Variants in ST7L observed in about 807,000 individuals in gnomAD.
ST7L encodes the protein suppressor of tumorigenicity 7 protein-like.
A neutral mutation model predicts 72.5 loss-of-function variants in ST7L; 57 were observed. The ratio of observed to expected loss-of-function variants is 0.79; its 90% CI spans 0.64 to 0.98. ST7L has a LOEUF of 0.98. ST7L is among the 50% of genes least tolerant of loss of function. The pLI, the probability that ST7L is intolerant of heterozygous loss-of-function variation, is 0.00. For synonymous variants in ST7L, 221 were observed against 240.9 expected (o/e 0.92, Z 0.77); for missense variants, 576 against 672.2 (o/e 0.86, Z 1.58).
intron 11 of ST7L, 98 bp from the exon 12 acceptor site, chr1:112,556,116 G>A: frequency 1.0e-6 from 1 of 966,668 alleles, no homozygotes; most frequent in Non-Finnish European, 1.4e-6. Context: ...GATTCAAAGT[G>A]TTAGAAAGTT....
At chr1:112,574,968 G>T (rs1287596361) in intron 11 of ST7L, among the ~76,000 whole-genome samples, 1 of 152,028 alleles carries the variant, frequency 6.6e-6, no homozygotes, top group Non-Finnish European at 1.5e-5. Context: ...GCTGGGCGCG[G>T]TGGCTTATGC....
chr1:112,584,187 TTA>T, intron 6 of ST7L, 61 bp from the exon 7 acceptor site: 2 of 1,529,072 alleles, frequency 1.3e-6, no homozygotes, highest in Non-Finnish European at 1.8e-6. Context: ...TTTCTCTTGG[TTA>T]TGTCCCTTTG....
intron 14 of ST7L, among the ~76,000 whole-genome samples, chr1:112,533,072 T>G (rs1261050681): frequency 2.0e-5 from 3 of 152,260 alleles, no homozygotes; most frequent in African/African-American, 7.2e-5. Context: ...TATACATTTA[T>G]ACTTCATATT....
chr1:112,543,166 T>C (rs1040124822), intron 13 of ST7L, among the ~76,000 whole-genome samples: 10 of 152,206 alleles, frequency 6.6e-5, no homozygotes, highest in East Asian at 1.9e-4. Context: ...GGCAGACATG[T>C]CATTGGTGAT....
At chr1:112,541,903 T>C (rs1247742479) in intron 14 of ST7L, 48 bp downstream of exon 14, 2 of 1,602,926 alleles carry the variant, frequency 1.2e-6, no homozygotes, top group South Asian at 2.3e-5. Flanking sequence ...AGATGGTTTC[T>C]TGTGTGTTTT....
At chr1:112,599,073 A>AAAATATATATAT (rs1190968815) in intron 4 of ST7L, among the ~76,000 whole-genome samples, 1 of 57,002 alleles carries the variant, frequency 1.8e-5, no homozygotes, top group African/African-American at 6.8e-5. Context: ...AAAAAAAAAA[A>AAAATATATATAT]ATATATATAT....
chr1:112,601,283 T>A (rs1337895773), intron 3 of ST7L, among the ~76,000 whole-genome samples: 3 of 152,144 alleles, frequency 2.0e-5, no homozygotes, highest in Non-Finnish European at 2.9e-5. Flanking sequence ...TCTCGCTCTG[T>A]CACCCAGGCT....
intron 11 of ST7L, among the ~76,000 whole-genome samples, chr1:112,567,975 G>A (rs1661314950): frequency 6.6e-6 from 1 of 152,122 alleles, no homozygotes; most frequent in South Asian, 2.1e-4. Flanking sequence ...TGTGTGAAGT[G>A]TCATACCAAC....
intron 12 of ST7L, 140 bp downstream of exon 12, chr1:112,555,728 T>G: frequency 1.5e-6 from 1 of 688,360 alleles, no homozygotes. Flanking sequence ...AAACCAAATA[T>G]CTCATCACTA....
rs1008513267 is a variant in ST7L, at chr1:112,616,760, A to T, written c.288+53T>A. 7.5e-5 allele frequency: 104 copies of T among 1,379,138 alleles called. No homozygotes were observed. In the East Asian group the frequency reaches 1.1e-3, roughly 14 times the overall value. 85.4% of individuals were successfully genotyped at this position (1,379,138 alleles called of 1,614,324 possible). On this transcript the variant is annotated intron_variant, in intron 2 of 14. Transcript: ENST00000358039. ...TCTGTCTCAAAAAAGAAAAAAAAAAAATATCTTTAGATAAACACCAAAACA... is the reference window on the plus strand; with the variant it reads ...TCTGTCTCAAAAAAGAAAAAAAAAATATATCTTTAGATAAACACCAAAACA...
At chr1:112,582,177 T>G (rs1664226268) in intron 8 of ST7L, 71 bp from the exon 9 acceptor site, 1 of 1,190,692 alleles carries the variant, frequency 8.4e-7, no homozygotes, top group African/African-American at 1.5e-5. Context: ...CCAGATTCAT[T>G]AAGTAGAAAT....
chr1:112,558,401 T>C (rs930059122), intron 11 of ST7L, among the ~76,000 whole-genome samples: 1 of 152,210 alleles, frequency 6.6e-6, no homozygotes, highest in Non-Finnish European at 1.5e-5. Context: ...CAAAAAGCTG[T>C]AGTGGTTTCA....
chr1:112,551,287 T>A (rs1257334992), intron 12 of ST7L, among the ~76,000 whole-genome samples: 3 of 151,914 alleles, frequency 2.0e-5, no homozygotes, highest in Non-Finnish European at 2.9e-5. Flanking sequence ...TAGCTGGGAC[T>A]ACAGGTGCCC....
chr1:112,586,321 G>T (rs988933375), intron 6 of ST7L, among the ~76,000 whole-genome samples: 1 of 152,066 alleles, frequency 6.6e-6, no homozygotes, highest in South Asian at 2.1e-4. Flanking sequence ...TGCACCTGTA[G>T]TCCTAGTTAC....
At chr1:112,585,174 G>C (rs2101900495) in intron 6 of ST7L, among the ~76,000 whole-genome samples, 1 of 152,076 alleles carries the variant, frequency 6.6e-6, no homozygotes. Context: ...GCTTGTTTTG[G>C]GGCCACAAAG....
intron 5 of ST7L, among the ~76,000 whole-genome samples, chr1:112,592,865 T>A (rs1156927776): frequency 2.6e-5 from 4 of 152,190 alleles, no homozygotes; most frequent in Non-Finnish European, 5.9e-5. Context: ...TAATTAAATA[T>A]TTCCTTTCTA....
At chr1:112,535,964 G>A (rs1655140452) in intron 14 of ST7L, among the ~76,000 whole-genome samples, 2 of 152,028 alleles carry the variant, frequency 1.3e-5, no homozygotes, top group Admixed American at 6.6e-5. Context: ...TTGAATATGC[G>A]AGACTGCCCA....
At chr1:112,526,536 T>G (rs1653432655) in intron 14 of ST7L, 3 of 156,038 alleles carry the variant, frequency 1.9e-5, no homozygotes, top group Admixed American at 6.3e-5. Flanking sequence ...GTCAGGAGAT[T>G]GAGACCATCC....
In ST7L at chr1:112,618,970, C is replaced by T. The variant is rs1234872654; in HGVS notation, c.144G>A (p.Ala48=). 6.2e-7 allele frequency: 1 copy of T among 1,606,866 alleles called. No individual in the cohort carries two copies. Among genetic ancestry groups the T allele is most frequent in the Admixed American group, 1.7e-5 (1 of 59,114 alleles). Residue 48 remains alanine (A), a synonymous_variant, in exon 1 of 15, where the codon GCG becomes GCA. Coordinates refer to ENST00000358039, the MANE Select transcript of ST7L (RefSeq NM_017744.5). Reference sequence around the variant, plus strand: ...TCAGGGCGTAAAGCAGCCCCAGCCCCGCCACGAACCACAACGAGGCCCCAG... The same window carrying T: ...TCAGGGCGTAAAGCAGCCCCAGCCCTGCCACGAACCACAACGAGGCCCCAG... The part of the protein sequence containing the change: ...AGTGASLWFV[A]GLGLLYALRI...
Sources: gnomAD v4.1 joint callset for allele counts (sites outside exome capture counted in the v4.1 genomes callset) on GRCh38, gnomAD v4.1.1 for gene constraint, MANE v1.5 for transcripts, NCBI Gene and HGNC (gene_info 2026-07-23, HGNC 2026-07-21) for gene names.